Variants in SLC35F1 observed in about 807,000 individuals in gnomAD.
SLC35F1 encodes the protein solute carrier family 35 member F1, also known as chromosome 6 open reading frame 169.
In SLC35F1, 14 loss-of-function variants were observed where a neutral mutation model predicts 48.7. The observed-to-expected ratio is 0.29, with a 90% CI of 0.19 to 0.45. The LOEUF is 0.45. Ranked by LOEUF, SLC35F1 falls within the 20% of genes least tolerant of loss-of-function variation. SLC35F1 has a pLI of 1.00. For missense variants in SLC35F1, 404 were observed against 500.0 expected, an observed-to-expected ratio of 0.81 and a Z score of 1.83; for synonymous variants, 190 against 202.2, an observed-to-expected ratio of 0.94 and a Z score of 0.51.
intron 1 of SLC35F1, among the ~76,000 whole-genome samples, chr6:118,096,336 C>T (rs1440162922): frequency 6.6e-6 from 1 of 152,106 alleles, no homozygotes; most frequent in Non-Finnish European, 1.5e-5. Context: ...TTAGTTAACG[C>T]ATAGCAGAAT....
At chr6:118,102,933 C>T (rs962390336) in intron 1 of SLC35F1, among the ~76,000 whole-genome samples, 4 of 152,112 alleles carry the variant, frequency 2.6e-5, no homozygotes, top group East Asian at 1.9e-4. Context: ...GATTTGCACC[C>T]GTGTTTTGTG....
intron 3 of SLC35F1, among the ~76,000 whole-genome samples, chr6:118,251,389 C>A (rs771833579): frequency 2.6e-5 from 4 of 151,888 alleles, no homozygotes; most frequent in Non-Finnish European, 5.9e-5. Flanking sequence ...TTCAAGTGCC[C>A]AATACAATAC....
At chr6:118,096,939 T>C (rs560458442) in intron 1 of SLC35F1, among the ~76,000 whole-genome samples, 49 of 152,306 alleles carry the variant, frequency 3.2e-4, no homozygotes, top group Non-Finnish European at 6.2e-4. Flanking sequence ...ATCAGTTCCA[T>C]CTCTTTAGTA....
At chr6:118,128,492 T>A (rs1773662080) in intron 1 of SLC35F1, among the ~76,000 whole-genome samples, 1 of 152,022 alleles carries the variant, frequency 6.6e-6, no homozygotes, top group South Asian at 2.1e-4. Flanking sequence ...TAAAAAATGA[T>A]GAGTTCATGT....
chr6:118,060,397 T>C (rs909477504), intron 1 of SLC35F1, among the ~76,000 whole-genome samples: 54 of 152,174 alleles, frequency 3.5e-4, no homozygotes, highest in African/African-American at 9.4e-4. Flanking sequence ...CTACATCTGA[T>C]GTCATCATTT....
rs1006217029 is a variant in SLC35F1 at position 118,120,834 on chromosome 6, C to T, written c.174-33611C>T. Among the ~76,000 whole-genome samples, 4 of 152,126 alleles carry T rather than the reference C, an allele frequency of 2.6e-5. No individual in the cohort carries two copies. In the East Asian group the frequency reaches 7.7e-4, roughly 29 times the overall value. On this transcript the variant is annotated intron_variant, in intron 1 of 7. Coordinates refer to ENST00000360388, the MANE Select transcript of SLC35F1 (RefSeq NM_001029858.4). ...AAATAATTTAATAATGAAAAGAACC[C>T]TTTTGCCTTGGCTGCCAGGACTCTC...
At chr6:118,304,856 C>T (rs1222504593) in intron 7 of SLC35F1, among the ~76,000 whole-genome samples, 1 of 151,166 alleles carries the variant, frequency 6.6e-6, no homozygotes, top group African/African-American at 2.4e-5. Context: ...GGCAAACAGG[C>T]ATGTAAATCC....
chr6:118,101,208 G>C (rs2114364664), intron 1 of SLC35F1, among the ~76,000 whole-genome samples: 1 of 152,316 alleles, frequency 6.6e-6, no homozygotes, highest in Admixed American at 6.5e-5. Flanking sequence ...TAACACTGGG[G>C]AAGAGAGTGT....
intron 1 of SLC35F1, among the ~76,000 whole-genome samples, chr6:117,914,170 A>G (rs1352466584): frequency 1.3e-5 from 2 of 151,748 alleles, no homozygotes; most frequent in Non-Finnish European, 2.9e-5. Context: ...ACACGTGTAT[A>G]TGTGTGTGTA....
At chr6:118,134,577 A>G (rs10484290) in intron 1 of SLC35F1, among the ~76,000 whole-genome samples, 54,860 of 152,100 alleles carry the variant, frequency 0.36, 10,418 homozygotes, top group Non-Finnish European at 0.43. Context: ...AATGCAATCC[A>G]AAGGTGAACT....
At chr6:118,232,548 C>G (rs1164924385) in intron 2 of SLC35F1, among the ~76,000 whole-genome samples, 1 of 50,698 alleles carries the variant, frequency 2.0e-5, no homozygotes. Flanking sequence ...AACTCCATCC[C>G]AAAAAAAAAA....
At chr6:118,305,099 GAGAA>G (rs1776297733) in intron 7 of SLC35F1, among the ~76,000 whole-genome samples, 1 of 119,358 alleles carries the variant, frequency 8.4e-6, no homozygotes. Flanking sequence ...TGTGTTCAGA[GAGAA>G]AGAGAGATTG....
rs193221315 is a variant in SLC35F1 at position 118,251,947 on chromosome 6, C to T, written c.478-15048C>T. Among the ~76,000 whole-genome samples the T allele has an allele frequency of 4.1e-3, 621 of 152,034 alleles. 2 individuals are homozygous for T. The highest frequency in any genetic ancestry group is 4.2e-3 in the Non-Finnish European group (288 of 68,010). ...CATTAGAATATGTGGGAGTAAAATA[C>T]GCATAGATATGGGGAAGAGAGTTCC... is the stretch of plus-strand genomic sequence containing the variant. On this transcript the variant is annotated intron_variant, in intron 3 of 7. Coordinates refer to ENST00000360388, the MANE Select transcript of SLC35F1 (RefSeq NM_001029858.4).
intron 3 of SLC35F1, among the ~76,000 whole-genome samples, chr6:118,254,635 G>A (rs1775619573): frequency 6.6e-6 from 1 of 152,124 alleles, no homozygotes; most frequent in Non-Finnish European, 1.5e-5. Context: ...AACCCAAAAA[G>A]TATAAGATGC....
intron 2 of SLC35F1, among the ~76,000 whole-genome samples, chr6:118,203,364 C>A (rs1774894614): frequency 2.6e-5 from 4 of 152,238 alleles, no homozygotes; most frequent in East Asian, 1.9e-4. Context: ...GCCAAATGCA[C>A]AAGATACCCT....
In SLC35F1 at chr6:118,152,872, G is replaced by A. The variant is rs569533192; in HGVS notation, c.174-1573G>A. On this transcript the variant is annotated intron_variant, in intron 1 of 7. Coordinates refer to ENST00000360388, the MANE Select transcript of SLC35F1 (RefSeq NM_001029858.4). ...CCTTGTAGATCTCTGCATTCTGTGG[G>A]GAACTATTGTAAGATTTTAAGCAGC... 1.2e-4 allele frequency among the ~76,000 whole-genome samples: 18 copies of A among 151,014 alleles called. 1 individual carries two copies. In the South Asian group the frequency reaches 3.6e-3, roughly 30 times the overall value.
At chr6:117,953,709 G>A (rs1582583065) in intron 1 of SLC35F1, among the ~76,000 whole-genome samples, 2 of 152,194 alleles carry the variant, frequency 1.3e-5, no homozygotes, top group Admixed American at 1.3e-4. Context: ...TGTCTTATAA[G>A]TGAATGTTCC....
intron 1 of SLC35F1, among the ~76,000 whole-genome samples, chr6:117,973,581 A>AT (rs965154406): frequency 2.6e-5 from 4 of 151,552 alleles, no homozygotes; most frequent in Non-Finnish European, 5.9e-5. Flanking sequence ...TTTAATATAT[A>AT]TTTTTTTGAG....
At chr6:117,999,244 C>A in intron 1 of SLC35F1, 1 of 1,596,388 alleles carries the variant, frequency 6.3e-7, no homozygotes. Flanking sequence ...AGGGAGTCAG[C>A]TGCAAGCTCG....
Sources: allele counts gnomAD v4.1 joint callset (sites outside exome capture counted in the v4.1 genomes callset), GRCh38; gene constraint gnomAD v4.1.1; transcripts MANE v1.5; gene names NCBI Gene and HGNC (gene_info 2026-07-23, HGNC 2026-07-21).